Variants in IKBKB observed in about 807,000 individuals in gnomAD.
IKBKB encodes inhibitor of nuclear factor kappa-B kinase subunit beta.
A neutral mutation model predicts 113.6 loss-of-function variants in IKBKB; 42 were observed. The ratio of observed to expected loss-of-function variants is 0.37; its 90% confidence interval spans 0.29 to 0.48. IKBKB has a LOEUF of 0.48. Ranked by LOEUF, IKBKB falls within the 20% of genes least tolerant of loss-of-function variation. IKBKB has a pLI of 0.99. For synonymous variants in IKBKB, 296 were observed against 361.3 expected, an observed-to-expected ratio of 0.82 and a Z score of 2.05; for missense variants, 673 against 939.7, an observed-to-expected ratio of 0.72 and a Z score of 3.71.
chr8:42,289,858 T>C (rs1247827608), intron 3 of IKBKB, among the ~76,000 whole-genome samples: 1 of 152,154 alleles, frequency 6.6e-6, no homozygotes, highest in African/African-American at 2.4e-5. Flanking sequence ...GGCATGAGAT[T>C]GAAAGGTCCT....
At chr8:42,325,830 TG>T (rs1820634420) in intron 19 of IKBKB, 139 bp from the exon 20 acceptor site, 1 of 1,489,240 alleles carries the variant, frequency 6.7e-7, no homozygotes, top group Non-Finnish European at 8.9e-7. Flanking sequence ...GACCCGCAGG[TG>T]GGGGTGCCAA....
chr8:42,272,461 G>A, intron 2 of IKBKB: 3 of 584,888 alleles, frequency 5.1e-6, no homozygotes, highest in East Asian at 2.8e-5. Context: ...ATATATATAT[G>A]GTAACAGTAG....
At chr8:42,326,710 T>C (rs1198032066) in intron 20 of IKBKB, among the ~76,000 whole-genome samples, 2 of 152,180 alleles carry the variant, frequency 1.3e-5, no homozygotes, top group East Asian at 1.9e-4. Flanking sequence ...TCAAGTCTCA[T>C]CTGGGCCAGC....
chr8:42,278,920 G>A (rs1177090222), intron 2 of IKBKB, among the ~76,000 whole-genome samples: 1 of 152,176 alleles, frequency 6.6e-6, no homozygotes. Context: ...CTTGAACCCA[G>A]GAGGTGGAGG....
intron 2 of IKBKB, 143 bp from the exon 3 acceptor site, chr8:42,288,491 G>A (rs925639620): frequency 3.1e-5 from 17 of 553,578 alleles, no homozygotes; most frequent in Admixed American, 5.8e-5. Flanking sequence ...CGTGGCTGTC[G>A]ATCAGGGTGT....
At chr8:42,306,128 C>T (rs549366401) in intron 6 of IKBKB, among the ~76,000 whole-genome samples, 13 of 152,340 alleles carry the variant, frequency 8.5e-5, no homozygotes, top group East Asian at 5.8e-4. Flanking sequence ...TGGGAGGACA[C>T]GTGCCTAGCA....
chr8:42,306,860 G>A (rs1159807155), intron 7 of IKBKB, among the ~76,000 whole-genome samples: 1 of 152,212 alleles, frequency 6.6e-6, no homozygotes, highest in Non-Finnish European at 1.5e-5. Flanking sequence ...AGGGGTCAGA[G>A]CTCTGAGCTC....
At chr8:42,305,784 C>T (rs1816396433) in intron 6 of IKBKB, among the ~76,000 whole-genome samples, 1 of 152,222 alleles carries the variant, frequency 6.6e-6, no homozygotes, top group Admixed American at 6.5e-5. Context: ...ACAAGCTTGA[C>T]ATTGTGGTCT....
At chr8:42,287,131 G>A (rs1386755240) in intron 2 of IKBKB, among the ~76,000 whole-genome samples, 2 of 152,186 alleles carry the variant, frequency 1.3e-5, no homozygotes, top group African/African-American at 2.4e-5. Context: ...TGGAGTGCCC[G>A]AGGCCAGAGC....
At chr8:42,303,742 G>A (rs532977961) in intron 5 of IKBKB, among the ~76,000 whole-genome samples, 10 of 152,234 alleles carry the variant, frequency 6.6e-5, no homozygotes, top group African/African-American at 2.4e-4. Flanking sequence ...CCTGACCTCA[G>A]GTGATTCGCC....
At chr8:42,325,378 G>A (rs1425859483) in intron 19 of IKBKB, 3 of 986,046 alleles carry the variant, frequency 3.0e-6, no homozygotes, top group Admixed American at 6.1e-5. Flanking sequence ...ATACTTTCCT[G>A]TTCTTTTCTT....
chr8:42,282,033 A>T (rs1373145281), intron 2 of IKBKB, among the ~76,000 whole-genome samples: 1 of 152,122 alleles, frequency 6.6e-6, no homozygotes, highest in South Asian at 2.1e-4. Flanking sequence ...ACCTTATGAC[A>T]CACATGCTTA....
intron 17 of IKBKB, 43 bp from the exon 18 acceptor site, chr8:42,322,011 T>C: frequency 6.2e-7 from 1 of 1,607,580 alleles, no homozygotes; most frequent in South Asian, 1.1e-5. Flanking sequence ...CACTACTCTC[T>C]GCTGGCTTCC....
chr8:42,293,667 G>A, intron 5 of IKBKB, 155 bp downstream of exon 5: 1 of 1,324,724 alleles, frequency 7.5e-7, no homozygotes, highest in Non-Finnish European at 1.0e-6. Context: ...GTGGAGTAGG[G>A]AGGTCAACAA....
At chr8:42,290,750 G>C (rs1812449597) in intron 4 of IKBKB, among the ~76,000 whole-genome samples, 1 of 152,088 alleles carries the variant, frequency 6.6e-6, no homozygotes, top group South Asian at 2.1e-4. Context: ...CAGAGAGCCG[G>C]GCCAGGGCTG....
intron 19 of IKBKB, chr8:42,325,736 A>C (rs1340076762): frequency 9.0e-6 from 12 of 1,326,220 alleles, no homozygotes; most frequent in Non-Finnish European, 1.1e-5. Context: ...GTAGGCACCC[A>C]GGTCTCCTTA....
intron 5 of IKBKB, among the ~76,000 whole-genome samples, chr8:42,303,114 AGAGAATGAGAGAGAGAGAGAGAG>A (rs1815716031): frequency 6.8e-6 from 1 of 146,090 alleles, no homozygotes; most frequent in African/African-American, 2.7e-5. Context: ...AGAGAGAGAG[AGAGAATGAGAGAGAGAGAGAGAG>A]GAGAGAGAAT....
chr8:42,320,843 C>A lies in IKBKB; in HGVS notation c.1687C>A (p.Leu563Ile). The change falls in exon 16 of 22, where the codon CTA (leucine) becomes ATA (isoleucine). Residue 563 changes from leucine to isoleucine, a missense_variant and splice_region_variant. This residue lies in a region of IKBKB where 506 missense variants were observed against 638.7 expected (regional missense o/e 0.79). Transcript: ENST00000520810. ...GRKQGGTLDD[L>I]EEQARELYRR... Reference sequence around the variant, plus strand: ...GAAGCAGGGGGGAACGCTGGACGACCTGTGAGTACTGGCTGGGGGGCCCCT... The same window carrying A: ...GAAGCAGGGGGGAACGCTGGACGACATGTGAGTACTGGCTGGGGGGCCCCT... The A allele has an allele frequency of 3.2e-6, 5 of 1,576,884 alleles. No individual in the cohort carries two copies. Among genetic ancestry groups the A allele is most frequent in the Non-Finnish European group, 4.3e-6 (5 of 1,159,982 alleles).
rs1821644588 is a variant in IKBKB at position 42,331,121 on chromosome 8, C to T, written c.*142C>T. The T allele has an allele frequency of 8.0e-7, 1 of 1,244,186 alleles. No individual in the cohort carries two copies. Among genetic ancestry groups the T allele is most frequent in the Non-Finnish European group, 1.1e-6 (1 of 882,588 alleles). The allele number at this position is 1,244,186 out of a possible 1,614,324, so 77.1% of individuals were successfully genotyped here. A position where few individuals can be genotyped will look rare whatever the true frequency, so the allele number is the denominator to read the frequency against. ...TGGCCGCGGCTCTCACATGGTGGTT[C>T]CTGCTGCACTGATGGCCCAGGGGTC... On this transcript the variant is annotated 3_prime_UTR_variant, in exon 22 of 22. Transcript: ENST00000520810.
Sources: allele counts gnomAD v4.1 joint callset (sites outside exome capture counted in the v4.1 genomes callset), GRCh38; gene constraint gnomAD v4.1.1; regional missense constraint gnomAD v4.1.1; transcripts MANE v1.5; gene names NCBI Gene and HGNC (gene_info 2026-07-23, HGNC 2026-07-21).